The following LRP1B variants were observed in gnomAD, a reference collection of about 807,000 sequenced individuals.
LRP1B encodes low-density lipoprotein receptor-related protein 1B.
Under a neutral mutation model 556.6 loss-of-function variants are expected in LRP1B, and 217 were observed. That is an observed-to-expected ratio of 0.39 (90% CI 0.35 to 0.44). The LOEUF is 0.44. LRP1B is among the 20% of genes least tolerant of loss of function. The pLI, the probability that LRP1B is intolerant of heterozygous loss-of-function variation, is 1.00. For missense variants in LRP1B, 5,053 were observed against 5,620.8 expected (o/e 0.90, Z 3.23); for synonymous variants, 2,047 against 1,865.8 (o/e 1.10, Z -2.50).
At chr2:140,471,225 T>G (rs1010893236) in intron 60 of LRP1B, among the ~76,000 whole-genome samples, 2 of 151,954 alleles carry the variant, frequency 1.3e-5, no homozygotes, top group Admixed American at 6.6e-5. Context: ...TGTCACTTAT[T>G]TGCGAACTTT....
At chr2:140,671,366 A>C (rs1353372082) in intron 41 of LRP1B, among the ~76,000 whole-genome samples, 1 of 151,444 alleles carries the variant, frequency 6.6e-6, no homozygotes, top group Non-Finnish European at 1.5e-5. Context: ...TAAAAATACA[A>C]AAAAATTAGC....
chr2:141,231,911 C>T (rs1405402134), intron 5 of LRP1B, among the ~76,000 whole-genome samples: 1 of 152,076 alleles, frequency 6.6e-6, no homozygotes, highest in African/African-American at 2.4e-5. Context: ...CAGTTTCTTC[C>T]CAATGGAGAA....
Position 140,852,637 on chromosome 2 carries a change from T to G in LRP1B, c.4580-854A>C, listed in dbSNP as rs563705727. ...CTGCCTTCATGATTAAGTCATCTAC[T>G]TCTTTGTTACTTTTTCTGTATTAAC... is the stretch of plus-strand genomic sequence containing the variant. On this transcript the variant is annotated intron_variant, in intron 27 of 90. Transcript: ENST00000389484. 2.0e-5 allele frequency among the ~76,000 whole-genome samples: 3 copies of G among 152,306 alleles called. No individual in the cohort carries two copies. The South Asian group carries it at 6.2e-4, about 32-fold the overall frequency.
chr2:140,705,634 A>G (rs995603148), intron 37 of LRP1B, among the ~76,000 whole-genome samples: 1 of 151,310 alleles, frequency 6.6e-6, no homozygotes, highest in Non-Finnish European at 1.5e-5. Flanking sequence ...TTTTTTTCCA[A>G]GTAACCCCTA....
At chr2:142,051,135 G>A (rs1396858619) in intron 1 of LRP1B, among the ~76,000 whole-genome samples, 4 of 152,066 alleles carry the variant, frequency 2.6e-5, no homozygotes, top group African/African-American at 7.2e-5. Flanking sequence ...GTAAAGTAGA[G>A]GAGTGTGAGG....
At chr2:141,977,152 T>C (rs1701908357) in intron 1 of LRP1B, among the ~76,000 whole-genome samples, 1 of 152,210 alleles carries the variant, frequency 6.6e-6, no homozygotes. Flanking sequence ...TAAACTTTTT[T>C]TTGATCTTTT....
chr2:141,949,139 T>A (rs1469601617), intron 1 of LRP1B, among the ~76,000 whole-genome samples: 2 of 152,104 alleles, frequency 1.3e-5, no homozygotes, highest in Admixed American at 1.3e-4. Flanking sequence ...TTAAAAAACT[T>A]TCCTACATCA....
At chr2:142,030,063 TTGTA>T (rs1703634512) in intron 1 of LRP1B, among the ~76,000 whole-genome samples, 1 of 151,788 alleles carries the variant, frequency 6.6e-6, no homozygotes, top group Non-Finnish European at 1.5e-5. Context: ...TGCAAGTTGC[TTGTA>T]TATTTGTGGT....
chr2:141,570,136 GAAAAC>G (rs58717096), intron 2 of LRP1B, among the ~76,000 whole-genome samples: 41,096 of 149,528 alleles, frequency 0.27, 7,020 homozygotes, highest in East Asian at 0.47. Flanking sequence ...GCTCCCATGG[GAAAAC>G]AAAACAAAAC....
intron 1 of LRP1B, among the ~76,000 whole-genome samples, chr2:141,849,225 G>T (rs1239992888): frequency 6.6e-6 from 1 of 151,526 alleles, no homozygotes; most frequent in Non-Finnish European, 1.5e-5. Flanking sequence ...TTTTTAAGCA[G>T]ATTCTCTTGG....
intron 41 of LRP1B, among the ~76,000 whole-genome samples, chr2:140,632,359 G>A (rs1482829593): frequency 6.6e-6 from 1 of 152,036 alleles, no homozygotes; most frequent in Non-Finnish European, 1.5e-5. Flanking sequence ...AATGTTTTAA[G>A]GGATGTGAAG....
chr2:140,735,020 C>G (rs1485538807), intron 35 of LRP1B, among the ~76,000 whole-genome samples: 2 of 152,082 alleles, frequency 1.3e-5, no homozygotes, highest in Non-Finnish European at 2.9e-5. Flanking sequence ...ACTCTGTTTC[C>G]CAAAAGACCA....
chr2:141,938,763 TG>T lies in LRP1B; in HGVS notation c.83-128363del, dbSNP rs1195428888. Reference sequence around the variant, plus strand: ...TAATCTCTCTCTCTCCATATATGTGTGTGTGTGTGTATATGTGTATCTATAT... The same window carrying T: ...TAATCTCTCTCTCTCCATATATGTGTTGTGTGTGTATATGTGTATCTATAT... On this transcript the variant is annotated intron_variant, in intron 1 of 90. Transcript: ENST00000389484. Among the ~76,000 whole-genome samples, 83 of 151,736 alleles carry T rather than the reference TG, an allele frequency of 5.5e-4. 1 individual carries two copies. The highest frequency in any genetic ancestry group is 2.0e-3 in the African/African-American group (81 of 41,296).
At chr2:140,317,793 C>G (rs1201931757) in intron 82 of LRP1B, among the ~76,000 whole-genome samples, 1 of 152,002 alleles carries the variant, frequency 6.6e-6, no homozygotes, top group Admixed American at 6.6e-5. Context: ...CAAGGATTTT[C>G]AAAATCCTTA....
intron 41 of LRP1B, among the ~76,000 whole-genome samples, chr2:140,669,326 C>T (rs557427957): frequency 6.6e-6 from 1 of 152,122 alleles, no homozygotes; most frequent in East Asian, 1.9e-4. Flanking sequence ...AATAATCCAA[C>T]TTTATTCTTT....
intron 31 of LRP1B, among the ~76,000 whole-genome samples, chr2:140,833,776 T>C (rs1352386605): frequency 1.3e-5 from 2 of 152,198 alleles, no homozygotes; most frequent in South Asian, 4.1e-4. Flanking sequence ...CAGAGTCAGC[T>C]GGTGAACGAA....
chr2:141,566,380 G>A (rs890783958), intron 2 of LRP1B, among the ~76,000 whole-genome samples: 1 of 152,088 alleles, frequency 6.6e-6, no homozygotes, highest in Non-Finnish European at 1.5e-5. Context: ...AGTAGAAATA[G>A]TGACTTTATG....
intron 20 of LRP1B, among the ~76,000 whole-genome samples, chr2:140,945,233 A>AAATC (rs1401107204): frequency 6.6e-6 from 1 of 152,160 alleles, no homozygotes; most frequent in Admixed American, 6.6e-5. Context: ...AACAAATAAA[A>AAATC]AATCATTTCA....
chr2:140,295,915 T>C (rs1683582947), intron 84 of LRP1B, among the ~76,000 whole-genome samples: 2 of 152,086 alleles, frequency 1.3e-5, no homozygotes, highest in South Asian at 4.1e-4. Context: ...AGGCAAGAGA[T>C]ACTGGTAGAA....
Sources: gnomAD v4.1 joint callset for allele counts (sites outside exome capture counted in the v4.1 genomes callset) on GRCh38, gnomAD v4.1.1 for gene constraint, MANE v1.5 for transcripts, NCBI Gene and HGNC (gene_info 2026-07-23, HGNC 2026-07-21) for gene names.